Variants in NEGR1 observed in about 807,000 individuals in gnomAD.
The protein encoded by NEGR1 is IgLON family member 4.
A neutral mutation model predicts 40.9 loss-of-function variants in NEGR1; 10 were observed. That is an observed-to-expected ratio of 0.24 (90% CI 0.15 to 0.42). NEGR1 has a LOEUF of 0.42. Ranked by LOEUF, NEGR1 falls within the 10% of genes least tolerant of loss-of-function variation. The probability of loss-of-function intolerance (pLI) is 1.00; values close to 1 mark genes in which losing one functional copy is unlikely to be tolerated. For synonymous variants in NEGR1, 185 were observed against 166.8 expected (o/e 1.11, Z -0.84); for missense variants, 352 against 438.9 (o/e 0.80, Z 1.77).
At chr1:71,677,881 A>C (rs550469394) in intron 4 of NEGR1, among the ~76,000 whole-genome samples, 2 of 152,296 alleles carry the variant, frequency 1.3e-5, no homozygotes, top group East Asian at 3.9e-4. Context: ...AGCATAAATC[A>C]ACGTTTGCCT....
chr1:71,495,399 C>T (rs1316519323), intron 6 of NEGR1, among the ~76,000 whole-genome samples: 1 of 151,334 alleles, frequency 6.6e-6, no homozygotes, highest in African/African-American at 2.4e-5. Context: ...ATCACTTGAA[C>T]CTGGGAGGCA....
chr1:71,500,775 C>G (rs541424626), intron 6 of NEGR1, among the ~76,000 whole-genome samples: 2 of 151,932 alleles, frequency 1.3e-5, no homozygotes, highest in Non-Finnish European at 1.5e-5. Flanking sequence ...TGCATATAAC[C>G]AATGCATAGC....
At chr1:71,834,210 A>G (rs536147421) in intron 2 of NEGR1, among the ~76,000 whole-genome samples, 14 of 152,222 alleles carry the variant, frequency 9.2e-5, no homozygotes, top group African/African-American at 3.1e-4. Flanking sequence ...AGAAATTGGT[A>G]TCTAGCTATT....
chr1:71,658,295 G>A (rs188027140), intron 4 of NEGR1, among the ~76,000 whole-genome samples: 95 of 151,580 alleles, frequency 6.3e-4, no homozygotes, highest in African/African-American at 2.1e-3. Flanking sequence ...AAAAATTGAT[G>A]TATGATTATA....
At chr1:72,234,295 T>C (rs1654477433) in intron 1 of NEGR1, among the ~76,000 whole-genome samples, 1 of 152,172 alleles carries the variant, frequency 6.6e-6, no homozygotes, top group South Asian at 2.1e-4. Flanking sequence ...TCCATCCATG[T>C]TCCTGCAAAG....
At chr1:71,713,065 A>G (rs770899761) in intron 3 of NEGR1, among the ~76,000 whole-genome samples, 66 of 152,336 alleles carry the variant, frequency 4.3e-4, no homozygotes, top group Admixed American at 7.8e-4. Flanking sequence ...TAATACAGCC[A>G]GTATATTATA....
chr1:72,275,798 T>A (rs550994523), intron 1 of NEGR1, among the ~76,000 whole-genome samples: 14 of 152,230 alleles, frequency 9.2e-5, no homozygotes, highest in African/African-American at 3.4e-4. Context: ...GGTCACCACA[T>A]CATCTGATAT....
At chr1:72,032,136 A>G (rs1190137932) in intron 1 of NEGR1, among the ~76,000 whole-genome samples, 3 of 152,222 alleles carry the variant, frequency 2.0e-5, no homozygotes, top group African/African-American at 7.2e-5. Flanking sequence ...TGCATATGGA[A>G]GATGACTTAC....
intron 2 of NEGR1, among the ~76,000 whole-genome samples, chr1:71,818,633 A>G (rs1658314051): frequency 6.6e-6 from 1 of 152,034 alleles, no homozygotes; most frequent in Admixed American, 6.6e-5. Context: ...ACTTCTGTGA[A>G]GTGCATTTTA....
At chr1:71,808,421 T>C (rs552308968) in intron 2 of NEGR1, among the ~76,000 whole-genome samples, 1 of 152,324 alleles carries the variant, frequency 6.6e-6, no homozygotes, top group East Asian at 1.9e-4. Context: ...AAATATATTA[T>C]TTATTTCTCA....
At chr1:71,580,289 A>G (rs1649092161) in intron 6 of NEGR1, among the ~76,000 whole-genome samples, 1 of 139,922 alleles carries the variant, frequency 7.1e-6, no homozygotes, top group South Asian at 2.6e-4. Context: ...GGGGAACATC[A>G]CACTCTGGAG....
At position 72,275,519 on chromosome 1, in the gene NEGR1, G is replaced by A. The variant is rs1242031477; in HGVS notation, c.176+6800C>T. ...TTTTATTTTTTTATATGCACAGAAA[G>A]TGCCAATGACAATCTTTAATCTATC... On this transcript the variant is annotated intron_variant, in intron 1 of 6. Coordinates refer to ENST00000357731, the MANE Select transcript of NEGR1 (RefSeq NM_173808.3). Among the ~76,000 whole-genome samples, 10 of 152,034 alleles carry A rather than the reference G, an allele frequency of 6.6e-5. No homozygotes were observed. In the East Asian group the frequency reaches 1.7e-3, roughly 26 times the overall value.
chr1:72,170,041 G>C (rs1263851341), intron 1 of NEGR1, among the ~76,000 whole-genome samples: 2 of 152,044 alleles, frequency 1.3e-5, no homozygotes, highest in Non-Finnish European at 1.5e-5. Context: ...ATTTCAATTA[G>C]ATGCCTATAG....
At chr1:71,676,732 A>T (rs1652653442) in intron 4 of NEGR1, among the ~76,000 whole-genome samples, 1 of 152,220 alleles carries the variant, frequency 6.6e-6, no homozygotes, top group Non-Finnish European at 1.5e-5. Context: ...AAAACAGATA[A>T]AAATGTCAAA....
chr1:71,985,151 T>C (rs1027586013), intron 1 of NEGR1, among the ~76,000 whole-genome samples: 1 of 152,148 alleles, frequency 6.6e-6, no homozygotes, highest in Non-Finnish European at 1.5e-5. Context: ...GAGCTTTGAA[T>C]TCCCATTCTA....
chr1:72,131,837 C>T (rs1488248415), intron 1 of NEGR1, among the ~76,000 whole-genome samples: 4 of 152,154 alleles, frequency 2.6e-5, no homozygotes, highest in Non-Finnish European at 5.9e-5. Flanking sequence ...TGGCTCACAC[C>T]TGTAATCCCA....
At chr1:71,942,502 T>A (rs1208562741) in intron 1 of NEGR1, among the ~76,000 whole-genome samples, 20 of 49,170 alleles carry the variant, frequency 4.1e-4, no homozygotes, top group African/African-American at 1.6e-3. Context: ...TTTTTTTTTT[T>A]TTTTTTTTTT....
chr1:71,773,737 A>G (rs1368139528), intron 3 of NEGR1, among the ~76,000 whole-genome samples: 1 of 152,170 alleles, frequency 6.6e-6, no homozygotes, highest in African/African-American at 2.4e-5. Context: ...AATTTTACTC[A>G]TTTGCTCAGT....
intron 4 of NEGR1, among the ~76,000 whole-genome samples, chr1:71,654,066 A>G (rs1651800592): frequency 6.6e-6 from 1 of 152,162 alleles, no homozygotes; most frequent in Non-Finnish European, 1.5e-5. Context: ...TTCAAGTCAT[A>G]TTGATAAGCG....
Sources: gnomAD v4.1 joint callset for allele counts (sites outside exome capture counted in the v4.1 genomes callset) on GRCh38, gnomAD v4.1.1 for gene constraint, MANE v1.5 for transcripts, NCBI Gene and HGNC (gene_info 2026-07-23, HGNC 2026-07-21) for gene names.